Variants in USP15 observed in about 807,000 individuals in gnomAD.
The protein encoded by USP15 is ubiquitin carboxyl-terminal hydrolase 15.
USP15 carries 18 observed loss-of-function variants against 127.1 expected under a neutral mutation model. The ratio of observed to expected loss-of-function variants is 0.14; its 90% CI spans 0.10 to 0.21. USP15 has a LOEUF of 0.21. Ranked by LOEUF, USP15 falls within the 10% of genes least tolerant of loss-of-function variation. USP15 has a pLI of 1.00. For missense variants in USP15, 805 were observed against 1,159.9 expected (o/e 0.69, Z 4.44); for synonymous variants, 364 against 393.7 (o/e 0.92, Z 0.89).
chr12:62,303,812 T>G (rs573035456), intron 3 of USP15, among the ~76,000 whole-genome samples: 1 of 152,218 alleles, frequency 6.6e-6, no homozygotes, highest in East Asian at 1.9e-4. Context: ...AGATCTTGAA[T>G]GTACCTTTTA....
At chr12:62,288,344 C>CTT (rs34110065) in intron 1 of USP15, among the ~76,000 whole-genome samples, 21,062 of 114,390 alleles carry the variant, frequency 0.18, 2,333 homozygotes, top group Middle Eastern at 0.21. Flanking sequence ...TGGCATTTTA[C>CTT]TTTTTTTTTT....
Position 62,411,606 on chromosome 12 carries a change from C to G in USP15, c.*7231C>G, listed in dbSNP as rs2068042838. 1.3e-5 allele frequency: 2 copies of G among 152,176 alleles called. No individual in the cohort carries two copies. The highest frequency in any genetic ancestry group is 2.9e-5 in the Non-Finnish European group (2 of 68,036). 9.4% of individuals were successfully genotyped at this position (152,176 alleles called of 1,614,324 possible). A position where few individuals can be genotyped will look rare whatever the true frequency, so the allele number is the denominator to read the frequency against. On this transcript the variant is annotated 3_prime_UTR_variant, in exon 22 of 22. Transcript: ENST00000280377. ...AGTCATTTGAATTAAAGACAATAATCCAGACTCCAGAGGTTATGGCTTTTA... is the reference window on the plus strand; with the variant it reads ...AGTCATTTGAATTAAAGACAATAATGCAGACTCCAGAGGTTATGGCTTTTA...
chr12:62,390,681 A>G (rs2067296820), intron 14 of USP15, among the ~76,000 whole-genome samples, 183 bp from the exon 15 acceptor site: 1 of 152,164 alleles, frequency 6.6e-6, no homozygotes, highest in Non-Finnish European at 1.5e-5. Context: ...TTTTATAAAG[A>G]TGAGCAAAAC....
At chr12:62,346,779 A>G (rs778481144) in intron 6 of USP15, among the ~76,000 whole-genome samples, 2 of 152,106 alleles carry the variant, frequency 1.3e-5, no homozygotes, top group Middle Eastern at 3.4e-3. Context: ...AATATAAAAG[A>G]CCCTTTATTA....
chr12:62,354,626 GT>G (rs1446001189), intron 7 of USP15, among the ~76,000 whole-genome samples: 3 of 151,702 alleles, frequency 2.0e-5, no homozygotes, highest in Non-Finnish European at 2.9e-5. Flanking sequence ...GAATATTACA[GT>G]TTTTTAATAT....
chr12:62,406,011 C>A lies in USP15; in HGVS notation c.*1636C>A, dbSNP rs2067858495. ...TTTTTTTTTTAATGTAAACTAACCT[C>A]CTGCATGACAGAGGTTAAAATTTTG... is the stretch of plus-strand genomic sequence containing the variant. On this transcript the variant is annotated 3_prime_UTR_variant, in exon 22 of 22. Coordinates refer to ENST00000280377, the MANE Select transcript of USP15 (RefSeq NM_001252078.2). 6.8e-6 allele frequency: 1 copy of A among 147,998 alleles called. No homozygotes were observed. Among genetic ancestry groups the A allele is most frequent in the Admixed American group, 6.8e-5 (1 of 14,782 alleles). The allele number at this position is 147,998 out of a possible 1,614,324, so 9.2% of individuals were successfully genotyped here.
chr12:62,303,174 A>G (rs932493010), intron 3 of USP15: 1 of 253,438 alleles, frequency 3.9e-6, no homozygotes, highest in African/African-American at 2.2e-5. Context: ...GTAGTAGGAA[A>G]TGAGGATAAA....
intron 8 of USP15, among the ~76,000 whole-genome samples, chr12:62,376,509 T>A (rs1256298581): frequency 1.3e-5 from 2 of 152,174 alleles, no homozygotes; most frequent in Non-Finnish European, 2.9e-5. Context: ...CCTGAAACAC[T>A]GAAGTTTTGG....
chr12:62,296,284 A>G (rs969858983), intron 2 of USP15, among the ~76,000 whole-genome samples: 3 of 152,230 alleles, frequency 2.0e-5, no homozygotes, highest in Non-Finnish European at 4.4e-5. Context: ...TAAAGCCCTA[A>G]GCACAAATCC....
chr12:62,349,362 C>CA (rs1004298690), intron 7 of USP15, 55 bp downstream of exon 7: 3 of 1,168,342 alleles, frequency 2.6e-6, no homozygotes, highest in Non-Finnish European at 2.3e-6. Context: ...ATTATGGTTG[C>CA]AAAAAATCTC....
At position 62,416,260 on chromosome 12, in the gene USP15, T is replaced by G. The variant is rs2137729490; in HGVS notation, c.*11885T>G. ...ATCAACTGCCACCTTGGGCTATAAG[T>G]TACGTGTGTCTCTTCCCCCACTAGA... is the stretch of plus-strand genomic sequence containing the variant. On this transcript the variant is annotated 3_prime_UTR_variant, in exon 22 of 22. Coordinates refer to ENST00000280377, the MANE Select transcript of USP15 (RefSeq NM_001252078.2). 6.6e-6 allele frequency: 1 copy of G among 152,354 alleles called. No individual in the cohort carries two copies. Among genetic ancestry groups the G allele is most frequent in the South Asian group, 2.1e-4 (1 of 4,824 alleles). 9.4% of individuals were successfully genotyped at this position (152,354 alleles called of 1,614,324 possible).
In USP15 at chr12:62,389,854, C is replaced by T; in HGVS notation, c.1710C>T (p.Cys570=). ...CAGAGCACGTGATTATTCCTGTTTG[C>T]CTAAGAGAAAAATTCAGACACTCGA... ...EDTEHVIIPV[C]LREKFRHSSY... The change falls in exon 14 of 22, where the codon TGC becomes TGT. Residue 570 remains cysteine (C), a synonymous_variant. Coordinates refer to ENST00000280377, the MANE Select transcript of USP15 (RefSeq NM_001252078.2). 1.2e-6 allele frequency: 2 copies of T among 1,613,708 alleles called. No homozygotes were observed. The highest frequency in any genetic ancestry group is 8.5e-7 in the Non-Finnish European group (1 of 1,179,836).
intron 6 of USP15, among the ~76,000 whole-genome samples, chr12:62,329,160 T>G (rs1336545475): frequency 6.6e-6 from 1 of 152,134 alleles, no homozygotes; most frequent in African/African-American, 2.4e-5. Context: ...CTTTGAGTGG[T>G]CAGGAGTTCA....
intron 3 of USP15, 174 bp downstream of exon 3, chr12:62,303,094 GC>G: frequency 1.6e-6 from 1 of 616,474 alleles, no homozygotes; most frequent in Non-Finnish European, 2.6e-6. Context: ...GTTTACTTAT[GC>G]TAGCCACTAT....
At chr12:62,322,121 A>G (rs1306491269) in intron 5 of USP15, among the ~76,000 whole-genome samples, 2 of 152,016 alleles carry the variant, frequency 1.3e-5, no homozygotes, top group Admixed American at 6.6e-5. Context: ...TCAGCTCCCA[A>G]TTTGGCTTTT....
chr12:62,281,726 A>G (rs989034732), intron 1 of USP15, among the ~76,000 whole-genome samples: 1 of 152,188 alleles, frequency 6.6e-6, no homozygotes, highest in Non-Finnish European at 1.5e-5. Flanking sequence ...CCCTTTTTCA[A>G]TTGAAGATAG....
intron 8 of USP15, among the ~76,000 whole-genome samples, chr12:62,376,447 G>A (rs1184033876): frequency 6.6e-6 from 1 of 151,998 alleles, no homozygotes; most frequent in Admixed American, 6.6e-5. Context: ...CAGTCACATA[G>A]CCTCATATTT....
chr12:62,303,694 G>C (rs189707674), intron 3 of USP15: 1 of 151,144 alleles, frequency 6.6e-6, no homozygotes, highest in African/African-American at 2.4e-5. Context: ...AACTATATTT[G>C]AATTTATTTG....
At chr12:62,364,637 G>A (rs552728813) in intron 8 of USP15, among the ~76,000 whole-genome samples, 2 of 151,978 alleles carry the variant, frequency 1.3e-5, no homozygotes, top group South Asian at 2.1e-4. Context: ...AGGTATACAC[G>A]TGCCAAGGTG....
Sources: allele counts gnomAD v4.1 joint callset (sites outside exome capture counted in the v4.1 genomes callset), GRCh38; gene constraint gnomAD v4.1.1; transcripts MANE v1.5; gene names NCBI Gene and HGNC (gene_info 2026-07-23, HGNC 2026-07-21).